Variants in KIAA0825 observed in about 807,000 individuals in gnomAD.
KIAA0825 encodes the protein uncharacterized protein KIAA0825.
Under a neutral mutation model 147.6 loss-of-function variants are expected in KIAA0825, and 119 were observed. That is an observed-to-expected ratio of 0.81 (90% CI 0.69 to 0.94). KIAA0825 has a LOEUF of 0.94. Among genes scored for constraint, KIAA0825 ranks in the 40% least tolerant of loss-of-function variants. The pLI is 0.00. For synonymous variants in KIAA0825, 470 were observed against 518.1 expected, an observed-to-expected ratio of 0.91 and a Z score of 1.26; for missense variants, 1,381 against 1,472.7, an observed-to-expected ratio of 0.94 and a Z score of 1.02.
rs1291306112 is a variant in KIAA0825 at position 94,262,570 on chromosome 5, C to G, written c.3711-108446G>C. Reference sequence around the variant, plus strand: ...TTCAGTTAAATAATTTATGGGAACCCATATCATTCTGGAATATTAGGAAGT... The same window carrying G: ...TTCAGTTAAATAATTTATGGGAACCGATATCATTCTGGAATATTAGGAAGT... On this transcript the variant is annotated intron_variant, in intron 20 of 20. Transcript: ENST00000682413. Among the ~76,000 whole-genome samples the G allele has an allele frequency of 2.6e-5, 4 of 152,080 alleles. No homozygotes were observed. In the East Asian group the frequency reaches 5.8e-4, roughly 22 times the overall value.
intron 12 of KIAA0825, among the ~76,000 whole-genome samples, chr5:94,457,470 G>A (rs146503545): frequency 6.6e-6 from 1 of 152,292 alleles, no homozygotes; most frequent in Non-Finnish European, 1.5e-5. Context: ...TTGCTTAAGG[G>A]GAAAAGAGTG....
At chr5:94,231,709 A>ATCCAG (rs1456145549) in intron 20 of KIAA0825, among the ~76,000 whole-genome samples, 1 of 152,158 alleles carries the variant, frequency 6.6e-6, no homozygotes, top group Admixed American at 6.5e-5. Flanking sequence ...ATGGATGTTC[A>ATCCAG]AAGAGCTAAG....
At chr5:94,546,397 A>G (rs973206514) in intron 2 of KIAA0825, among the ~76,000 whole-genome samples, 1 of 152,122 alleles carries the variant, frequency 6.6e-6, no homozygotes, top group Non-Finnish European at 1.5e-5. Flanking sequence ...TAGTGGTTAC[A>G]GCAGCCCTTA....
rs1042886873 is a variant in KIAA0825, at chr5:94,354,185, C to T, written c.3710+30183G>A. ...CTTGATACTTTCCTACCAAGAATTC[C>T]CAGGAGAACATTGGCCATATACAAC... is the stretch of plus-strand genomic sequence containing the variant. On this transcript the variant is annotated intron_variant, in intron 20 of 20. Transcript: ENST00000682413. Among the ~76,000 whole-genome samples, 127 of 152,214 alleles carry T rather than the reference C, an allele frequency of 8.3e-4. 2 individuals carry two copies. The highest frequency in any genetic ancestry group is 2.9e-3 in the African/African-American group (122 of 41,534).
rs1390246473 is a variant in KIAA0825 at position 94,471,727 on chromosome 5, C to T, written c.1460G>A (p.Cys487Tyr). The T allele has an allele frequency of 1.3e-6, 2 of 1,552,154 alleles. No homozygotes were observed. The highest frequency in any genetic ancestry group is 2.4e-5 in the South Asian group (2 of 84,040). ...EEQPKKIGKFCSDIMEKLDTM... is the reference protein window; with the variant it reads ...EEQPKKIGKFYSDIMEKLDTM... ...GTCAAGTTTTTCCATGATGTCAGAACAAAACTAGGGAGAAATAAATGTGGC... is the reference window on the plus strand; with the variant it reads ...GTCAAGTTTTTCCATGATGTCAGAATAAAACTAGGGAGAAATAAATGTGGC... The change falls in exon 9 of 21, where the codon TGT becomes TAT. Residue 487 changes from cysteine to tyrosine, a missense_variant. Transcript: ENST00000682413.
At chr5:94,211,630 A>G (rs1020831569) in intron 20 of KIAA0825, among the ~76,000 whole-genome samples, 5 of 152,138 alleles carry the variant, frequency 3.3e-5, no homozygotes, top group Non-Finnish European at 7.4e-5. Context: ...GTCTTGGATT[A>G]TTAAAGTAAG....
intron 20 of KIAA0825, among the ~76,000 whole-genome samples, chr5:94,188,727 A>G (rs955713173): frequency 2.5e-4 from 38 of 152,296 alleles, no homozygotes; most frequent in African/African-American, 8.7e-4. Context: ...TAATGCTGCT[A>G]TAAACATTTG....
intron 14 of KIAA0825, 92 bp from the exon 15 acceptor site, chr5:94,417,457 C>G (rs1753613548): frequency 1.5e-5 from 15 of 976,262 alleles, no homozygotes; most frequent in Non-Finnish European, 2.0e-5. Context: ...TAGCATAATG[C>G]TGTGGAAATG....
chr5:94,299,790 C>T (rs62364569), intron 20 of KIAA0825, among the ~76,000 whole-genome samples: 2,389 of 152,138 alleles, frequency 0.016, 30 homozygotes, highest in Middle Eastern at 0.034. Context: ...AACAGGGTGT[C>T]GGCATTCATG....
rs1295227984 is a variant in KIAA0825, at chr5:94,351,845, A to T, written c.3710+32523T>A. 9.2e-5 allele frequency among the ~76,000 whole-genome samples: 14 copies of T among 152,210 alleles called. 1 individual carries two copies. The highest frequency in any genetic ancestry group is 9.2e-4 in the Admixed American group (14 of 15,284). ...TGGGGAAAGGACACCCTTTTCAATA[A>T]ATGGTGCTGGGATAATTGGCTAGCC... On this transcript the variant is annotated intron_variant, in intron 20 of 20. Transcript: ENST00000682413.
intron 16 of KIAA0825, among the ~76,000 whole-genome samples, chr5:94,401,159 T>C (rs1307223742): frequency 6.6e-6 from 1 of 152,158 alleles, no homozygotes; most frequent in Non-Finnish European, 1.5e-5. Context: ...CTAGCTAATA[T>C]CTTAAGGCTC....
chr5:94,464,995 A>G lies in KIAA0825; in HGVS notation c.1937T>C (p.Leu646Pro). Reference protein sequence around the residue: ...HYFCWSLHYDLWTILPPKLAQ... With the variant: ...HYFCWSLHYDPWTILPPKLAQ... ...TAACTTAGGAGGCAGAATGGTCCAGAGATCGTAATGAAGAGACCAGCAGAA... is the reference window on the plus strand; with the variant it reads ...TAACTTAGGAGGCAGAATGGTCCAGGGATCGTAATGAAGAGACCAGCAGAA... Residue 646 changes from leucine to proline, a missense_variant, in exon 11 of 21, where the codon CTC (leucine) becomes CCC (proline). Coordinates refer to ENST00000682413, the MANE Select transcript of KIAA0825 (RefSeq NM_001145678.3). 1.9e-6 allele frequency: 3 copies of G among 1,551,718 alleles called. No individual in the cohort carries two copies. The highest frequency in any genetic ancestry group is 1.7e-6 in the Non-Finnish European group (2 of 1,146,988).
At chr5:94,310,180 G>T (rs1045414191) in intron 20 of KIAA0825, among the ~76,000 whole-genome samples, 1 of 151,674 alleles carries the variant, frequency 6.6e-6, no homozygotes, top group Middle Eastern at 3.4e-3. Context: ...ATAGATAAAA[G>T]GTAGCTTTAT....
intron 20 of KIAA0825, among the ~76,000 whole-genome samples, chr5:94,294,552 C>T (rs1461971054): frequency 6.6e-6 from 1 of 152,064 alleles, no homozygotes; most frequent in Non-Finnish European, 1.5e-5. Context: ...ATGGTGAAAC[C>T]CTGTTTCTAC....
chr5:94,515,637 C>T (rs1056771441), intron 5 of KIAA0825, among the ~76,000 whole-genome samples: 6 of 151,824 alleles, frequency 4.0e-5, no homozygotes, highest in African/African-American at 1.5e-4. Context: ...ACTAAAAATA[C>T]AAAAAGTAGC....
At position 94,234,302 on chromosome 5, in the gene KIAA0825, C is replaced by T. The variant is rs187412286; in HGVS notation, c.3711-80178G>A. Among the ~76,000 whole-genome samples, 648 of 151,264 alleles carry T rather than the reference C, an allele frequency of 4.3e-3. 2 individuals carry two copies. The highest frequency in any genetic ancestry group is 0.015 in the African/African-American group (622 of 41,204). On this transcript the variant is annotated intron_variant, in intron 20 of 20. Transcript: ENST00000682413. ...AGGAGAATGGCGTGAACCCGGGAGGCGGAGCTTGCAGTGAGCCGAGATCGC... is the reference window on the plus strand; with the variant it reads ...AGGAGAATGGCGTGAACCCGGGAGGTGGAGCTTGCAGTGAGCCGAGATCGC...
Position 94,534,839 on chromosome 5 carries a change from T to C in KIAA0825, c.131+2157A>G, listed in dbSNP as rs546100873. Among the ~76,000 whole-genome samples the C allele has an allele frequency of 8.5e-5, 13 of 152,292 alleles. No homozygotes were observed. In the South Asian group the frequency reaches 1.9e-3, roughly 22 times the overall value. On this transcript the variant is annotated intron_variant, in intron 3 of 20. Coordinates refer to ENST00000682413, the MANE Select transcript of KIAA0825 (RefSeq NM_001145678.3). ...TTGTGAAGGAAATGGTTTACCTTTT[T>C]AAAAATATTTCAATTTTTAAAACTA...
chr5:94,591,474 G>T (rs1784347924), intron 1 of KIAA0825, among the ~76,000 whole-genome samples: 1 of 152,156 alleles, frequency 6.6e-6, no homozygotes, highest in African/African-American at 2.4e-5. Flanking sequence ...ATGAAAGCAT[G>T]GGCATGGGTA....
chr5:94,230,096 G>A (rs1259013684), intron 20 of KIAA0825, among the ~76,000 whole-genome samples: 1 of 152,014 alleles, frequency 6.6e-6, no homozygotes, highest in Non-Finnish European at 1.5e-5. Context: ...TCAATTGAGG[G>A]GTTTCACTGG....
Sources: gnomAD v4.1 joint callset for allele counts (sites outside exome capture counted in the v4.1 genomes callset) on GRCh38, gnomAD v4.1.1 for gene constraint, MANE v1.5 for transcripts, NCBI Gene and HGNC (gene_info 2026-07-23, HGNC 2026-07-21) for gene names.